Variants in DDX59 observed in about 807,000 individuals in gnomAD.
The protein encoded by DDX59 is DEAD-box helicase 59, also known as probable ATP-dependent RNA helicase DDX59.
Under a neutral mutation model 51.9 loss-of-function variants are expected in DDX59, and 30 were observed. That is an observed-to-expected ratio of 0.58 (90% CI 0.43 to 0.78). The LOEUF is 0.78. DDX59 is among the 30% of genes least tolerant of loss of function. The pLI, the probability that DDX59 is intolerant of heterozygous loss-of-function variation, is 0.00. For missense variants in DDX59, 672 were observed against 730.8 expected (o/e 0.92, Z 0.93); for synonymous variants, 255 against 253.3 (o/e 1.01, Z -0.06).
intron 6 of DDX59, among the ~76,000 whole-genome samples, chr1:200,648,853 T>C (rs1661465015): frequency 6.6e-6 from 1 of 152,224 alleles, no homozygotes; most frequent in African/African-American, 2.4e-5. Context: ...AGTTTTGAAT[T>C]AGTAATCTAT....
At position 200,664,071 on chromosome 1, in the gene DDX59, C is replaced by T; in HGVS notation, c.820G>A (p.Ala274Thr). 1 of 1,611,634 alleles carries T rather than the reference C, an allele frequency of 6.2e-7. No homozygotes were observed. Among genetic ancestry groups the T allele is most frequent in the Non-Finnish European group, 8.5e-7 (1 of 1,179,436 alleles). ...TCTCTGGTTGGTGTAAGAATGAGCG[C>T]AGATGGAGTTTTGCTCTGCAAAGAT... ...RALFESKTPS[A>T]LILTPTRELA... Residue 274 changes from alanine to threonine, a missense_variant, in exon 3 of 8, where the codon GCG (alanine) becomes ACG (threonine). Ala to Thr is a moderately conservative substitution (Grantham distance 58, BLOSUM62 0). Transcript: ENST00000331314.
chr1:200,647,573 G>GT (rs961407153), intron 7 of DDX59, among the ~76,000 whole-genome samples: 2,916 of 140,990 alleles, frequency 0.021, 49 homozygotes, highest in African/African-American at 0.043. Context: ...GTTACTTCTA[G>GT]TTTTTTTTTT....
intron 3 of DDX59, among the ~76,000 whole-genome samples, chr1:200,661,023 T>C (rs190643985): frequency 3.1e-4 from 47 of 152,328 alleles, no homozygotes; most frequent in African/African-American, 9.9e-4. Flanking sequence ...TTTTAAATAC[T>C]ATCCTCTAGT....
At chr1:200,658,905 A>T in intron 4 of DDX59, 122 bp downstream of exon 4, 1 of 782,104 alleles carries the variant, frequency 1.3e-6, no homozygotes. Context: ...CAATGCTTTA[A>T]AAGTCCCTGA....
rs202090004 is a variant in DDX59, at chr1:200,649,040, T to A, written c.1467+34A>T. ...TTGAAAATGAGGCAGAACAGATTTA[T>A]AGAAAACAGAATATAGAATATTGGG... On this transcript the variant is annotated intron_variant, in intron 6 of 7. Transcript: ENST00000331314. 3.4e-4 allele frequency: 511 copies of A among 1,507,076 alleles called. 1 individual carries two copies. The Middle Eastern group carries it at 5.4e-3, about 16-fold the overall frequency. 93.4% of individuals were successfully genotyped at this position (1,507,076 alleles called of 1,614,324 possible).
rs371137633 is a variant in DDX59 at position 200,663,869 on chromosome 1, T to C, written c.972+50A>G. 4.8e-6 allele frequency: 7 copies of C among 1,460,044 alleles called. No homozygotes were observed. In the African/African-American group the frequency reaches 8.7e-5, roughly 18 times the overall value. The allele number at this position is 1,460,044 out of a possible 1,614,324, so 90.4% of individuals were successfully genotyped here. A position where few individuals can be genotyped will look rare whatever the true frequency, so the allele number is the denominator to read the frequency against. On this transcript the variant is annotated intron_variant, in intron 3 of 7. Transcript: ENST00000331314. Reference sequence around the variant, plus strand: ...CAAGGGGAAAAAAAACACTAGTTCCTGTATTGCTTACAAAACTTTTCAAAG... The same window carrying C: ...CAAGGGGAAAAAAAACACTAGTTCCCGTATTGCTTACAAAACTTTTCAAAG...
chr1:200,641,256 G>A (rs935159798), downstream of DDX59: 1 of 1,300,356 alleles, frequency 7.7e-7, no homozygotes, highest in African/African-American at 1.5e-5. Flanking sequence ...ATAATATTCA[G>A]CTGCCAGAAG....
rs781640845 is a variant in DDX59, at chr1:200,648,499, G to A, written c.1536C>T (p.Ile512=). The A allele has an allele frequency of 2.5e-6, 4 of 1,614,102 alleles. No homozygotes were observed. The highest frequency in any genetic ancestry group is 3.4e-6 in the Non-Finnish European group (4 of 1,180,004). The change falls in exon 7 of 8, where the codon ATC becomes ATT. Residue 512 remains isoleucine, a synonymous_variant. Transcript: ENST00000331314. ...TGVLGRGLDL[I]SVRLVVNFDM... is the part of the protein sequence containing the mutation. ...CAAAATTGACAACCAGCCTGACACTGATCAAGTCTAGGCCTCGTCCCAAGA... is the reference window on the plus strand; with the variant it reads ...CAAAATTGACAACCAGCCTGACACTAATCAAGTCTAGGCCTCGTCCCAAGA...
At chr1:200,644,667 G>C in intron 7 of DDX59, 150 bp from the exon 8 acceptor site, 1 of 966,128 alleles carries the variant, frequency 1.0e-6, no homozygotes, top group Non-Finnish European at 1.4e-6. Flanking sequence ...AGCTGAGGCA[G>C]GTGGATCACC....
chr1:200,662,846 A>C (rs1197977150), intron 3 of DDX59, among the ~76,000 whole-genome samples: 1 of 152,234 alleles, frequency 6.6e-6, no homozygotes, highest in Admixed American at 6.5e-5. Flanking sequence ...GCCCATCAAA[A>C]GTACTTGTAT....
intron 3 of DDX59, among the ~76,000 whole-genome samples, chr1:200,662,711 G>C (rs906454662): frequency 6.6e-6 from 1 of 152,190 alleles, no homozygotes; most frequent in Non-Finnish European, 1.5e-5. Flanking sequence ...AAAGCTGTTA[G>C]AAGTTTGCAG....
chr1:200,656,242 G>A (rs906684177), intron 4 of DDX59, among the ~76,000 whole-genome samples: 5 of 152,092 alleles, frequency 3.3e-5, no homozygotes, highest in South Asian at 2.1e-4. Flanking sequence ...TGGGAACCCC[G>A]TCACACCCAT....
At chr1:200,665,881 A>G in intron 2 of DDX59, 56 bp downstream of exon 2, 1 of 1,499,788 alleles carries the variant, frequency 6.7e-7, no homozygotes, top group Non-Finnish European at 8.9e-7. Flanking sequence ...GAAACTTGGT[A>G]AATACCTCAC....
chr1:200,666,334 A>T lies in DDX59; in HGVS notation c.407T>A (p.Leu136His). 2 of 1,614,170 alleles carry T rather than the reference A, an allele frequency of 1.2e-6. No individual in the cohort carries two copies. The highest frequency in any genetic ancestry group is 1.3e-5 in the African/African-American group (1 of 75,032). ...CTCTTCCTTTTCCTTAACTTGTAGA[A>T]GATGTTTCGCTTTACACTCCAAACT... is the stretch of plus-strand genomic sequence containing the variant. Reference protein sequence around the residue: ...VCSLECKAKHLLQVKEKEEKS... With the variant: ...VCSLECKAKHHLQVKEKEEKS... Residue 136 changes from leucine to histidine, a missense_variant, in exon 2 of 8, where the codon CTT becomes CAT. Leu to His is a moderately conservative substitution (Grantham distance 99, BLOSUM62 -3). Transcript: ENST00000331314.
At position 200,663,986 on chromosome 1, in the gene DDX59, T is replaced by C. The variant is rs1204375356; in HGVS notation, c.905A>G (p.Lys302Arg). 1.2e-6 allele frequency: 2 copies of C among 1,614,224 alleles called. No homozygotes were observed. Among genetic ancestry groups the C allele is most frequent in the South Asian group, 1.1e-5 (1 of 91,088 alleles). Residue 302 changes from lysine (K) to arginine (R), a missense_variant, in exon 3 of 8, where the codon AAA becomes AGA. By Grantham distance (26) the Lys-to-Arg change is conservative. Coordinates refer to ENST00000331314, the MANE Select transcript of DDX59 (RefSeq NM_001031725.6). The stretch of plus-strand genomic sequence containing the variant: ...TAAGCCCCCTACAAGAAGCACAGTT[T>C]TCATGCGTGGCAGGCCACTCATCAA... ...KELMSGLPRM[K>R]TVLLVGGLPL...
chr1:200,645,885 G>A (rs1318808386), intron 7 of DDX59, among the ~76,000 whole-genome samples: 1 of 152,038 alleles, frequency 6.6e-6, no homozygotes, highest in Non-Finnish European at 1.5e-5. Context: ...AGCAAATATT[G>A]TTTTTCAGTA....
At chr1:200,669,016 T>C (rs1558135644) in intron 1 of DDX59, among the ~76,000 whole-genome samples, 1 of 152,224 alleles carries the variant, frequency 6.6e-6, no homozygotes, top group Non-Finnish European at 1.5e-5. Flanking sequence ...CCCAATTTCC[T>C]TGGGCACATG....
chr1:200,666,807 A>G, intron 1 of DDX59, 56 bp from the exon 2 acceptor site: 2 of 1,523,538 alleles, frequency 1.3e-6, no homozygotes, highest in Non-Finnish European at 1.8e-6. Flanking sequence ...GTTCACATAT[A>G]AAGTACCATA....
chr1:200,655,031 T>C (rs1019809943), intron 4 of DDX59: 1 of 152,166 alleles, frequency 6.6e-6, no homozygotes, highest in Non-Finnish European at 1.5e-5. Flanking sequence ...CCGATGCCTA[T>C]TTTATTTTTT....
Sources: gnomAD v4.1 joint callset for allele counts (sites outside exome capture counted in the v4.1 genomes callset) on GRCh38, gnomAD v4.1.1 for gene constraint, MANE v1.5 for transcripts, NCBI Gene and HGNC (gene_info 2026-07-23, HGNC 2026-07-21) for gene names.